EHBP1: variants seen among roughly 807,000 people sequenced by gnomAD.
The protein encoded by EHBP1 is EH domain-binding protein 1.
A neutral mutation model predicts 144.0 loss-of-function variants in EHBP1; 55 were observed. That is an observed-to-expected ratio of 0.38 (90% CI 0.31 to 0.48). EHBP1 has a LOEUF of 0.48. Among genes scored for constraint, EHBP1 ranks in the 20% least tolerant of loss-of-function variants. EHBP1 has a pLI of 0.98. For synonymous variants in EHBP1, 469 were observed against 472.7 expected, an observed-to-expected ratio of 0.99 and a Z score of 0.10; for missense variants, 1,200 against 1,364.2, an observed-to-expected ratio of 0.88 and a Z score of 1.90.
chr2:62,714,922 G>C (rs1366017277), intron 2 of EHBP1, among the ~76,000 whole-genome samples: 2 of 152,038 alleles, frequency 1.3e-5, no homozygotes, highest in African/African-American at 2.4e-5. Flanking sequence ...ACATATTTTT[G>C]CTTCTGAAGC....
intron 14 of EHBP1, among the ~76,000 whole-genome samples, chr2:62,973,166 A>T (rs549330513): frequency 2.0e-5 from 3 of 152,262 alleles, no homozygotes; most frequent in South Asian, 4.2e-4. Flanking sequence ...TGCAAGAAAA[A>T]AATTAGGTTG....
chr2:62,836,882 T>C (rs1436614062), intron 7 of EHBP1, among the ~76,000 whole-genome samples: 13 of 150,804 alleles, frequency 8.6e-5, no homozygotes, highest in African/African-American at 1.7e-4. Context: ...CTGAAAGTGA[T>C]GGGGAGAATG....
chr2:63,034,209 A>C (rs1264693457), intron 19 of EHBP1, among the ~76,000 whole-genome samples: 1 of 152,102 alleles, frequency 6.6e-6, no homozygotes, highest in Admixed American at 6.5e-5. Flanking sequence ...ATTTATTTAT[A>C]ATAAACATGA....
intron 19 of EHBP1, among the ~76,000 whole-genome samples, chr2:63,028,183 A>G (rs1244604386): frequency 6.6e-6 from 1 of 152,200 alleles, no homozygotes; most frequent in African/African-American, 2.4e-5. Flanking sequence ...GACATTCCAC[A>G]ATGTTTACCT....
chr2:62,727,790 T>C (rs2036978464), intron 2 of EHBP1, among the ~76,000 whole-genome samples: 1 of 152,216 alleles, frequency 6.6e-6, no homozygotes, highest in Non-Finnish European at 1.5e-5. Context: ...GATCACAGGC[T>C]CTTTGGCTCC....
chr2:62,749,541 G>A (rs2039475351), intron 3 of EHBP1, among the ~76,000 whole-genome samples: 1 of 152,182 alleles, frequency 6.6e-6, no homozygotes, highest in African/African-American at 2.4e-5. Context: ...TCTAGTTCTA[G>A]ATCCTTGAGG....
At chr2:63,019,325 G>A (rs1196171343) in intron 19 of EHBP1, among the ~76,000 whole-genome samples, 2 of 152,140 alleles carry the variant, frequency 1.3e-5, no homozygotes, top group African/African-American at 4.8e-5. Context: ...AGATTTAAGA[G>A]TATAGACTTT....
chr2:62,846,917 G>A (rs1411702609), intron 7 of EHBP1, among the ~76,000 whole-genome samples: 1 of 152,128 alleles, frequency 6.6e-6, no homozygotes, highest in African/African-American at 2.4e-5. Context: ...AAATCAATCT[G>A]TAAATCCAAC....
intron 1 of EHBP1, among the ~76,000 whole-genome samples, chr2:62,683,443 A>G (rs2033601614): frequency 6.6e-6 from 1 of 152,052 alleles, no homozygotes; most frequent in Admixed American, 6.5e-5. Flanking sequence ...GTGGATCACG[A>G]GGTCAGGAGA....
intron 5 of EHBP1, among the ~76,000 whole-genome samples, chr2:62,798,375 A>G (rs1365307048): frequency 6.6e-6 from 1 of 152,092 alleles, no homozygotes; most frequent in Non-Finnish European, 1.5e-5. Flanking sequence ...CAAAAAAAAA[A>G]AAAGAAAGAA....
chr2:62,775,125 G>T (rs1314171447), intron 5 of EHBP1, among the ~76,000 whole-genome samples: 1 of 152,124 alleles, frequency 6.6e-6, no homozygotes, highest in Non-Finnish European at 1.5e-5. Flanking sequence ...AAAGAGAATT[G>T]GGGTATGCTT....
At chr2:62,857,514 T>G (rs557948712) in intron 7 of EHBP1, among the ~76,000 whole-genome samples, 10 of 152,370 alleles carry the variant, frequency 6.6e-5, no homozygotes, top group African/African-American at 2.2e-4. Context: ...GTACTTTTAA[T>G]GTCAAATTTA....
At chr2:63,011,126 G>C (rs1159936887) in intron 19 of EHBP1, among the ~76,000 whole-genome samples, 3 of 148,268 alleles carry the variant, frequency 2.0e-5, no homozygotes, top group African/African-American at 7.4e-5. Flanking sequence ...GTTTTCTGCC[G>C]GGTGGCCTCA....
intron 2 of EHBP1, among the ~76,000 whole-genome samples, chr2:62,724,340 C>CTA (rs377513659): frequency 1.3e-5 from 2 of 152,260 alleles, no homozygotes; most frequent in African/African-American, 4.8e-5. Context: ...ACATTCTTTT[C>CTA]TATACTGGTT....
intron 19 of EHBP1, among the ~76,000 whole-genome samples, chr2:63,003,113 G>A (rs1407155312): frequency 6.6e-6 from 1 of 151,956 alleles, no homozygotes; most frequent in African/African-American, 2.4e-5. Flanking sequence ...TATAAATTCT[G>A]TTAGTGAATA....
Position 62,719,685 on chromosome 2 carries a change from T to C in EHBP1, c.104+12390T>C, listed in dbSNP as rs956764200. ...ATGTACAGATTTGTTTTGGTCATTATTCTCTAAAAAATACAGTATAAAACA... is the reference window on the plus strand; with the variant it reads ...ATGTACAGATTTGTTTTGGTCATTACTCTCTAAAAAATACAGTATAAAACA... On this transcript the variant is annotated intron_variant, in intron 2 of 22. Transcript: ENST00000431489. 1.6e-4 allele frequency among the ~76,000 whole-genome samples: 25 copies of C among 152,372 alleles called. No homozygotes were observed. In the East Asian group the frequency reaches 3.7e-3, roughly 22 times the overall value.
intron 1 of EHBP1, among the ~76,000 whole-genome samples, chr2:62,675,245 T>C (rs2033241635): frequency 6.6e-6 from 1 of 152,162 alleles, no homozygotes; most frequent in Non-Finnish European, 1.5e-5. Flanking sequence ...TGTGAAAAAG[T>C]GTCCCTCCAG....
At chr2:62,865,814 C>T (rs1210597895) in intron 9 of EHBP1, among the ~76,000 whole-genome samples, 3 of 152,110 alleles carry the variant, frequency 2.0e-5, no homozygotes, top group Admixed American at 2.0e-4. Context: ...GAGAAAAAAA[C>T]TCAGATCCCA....
At chr2:62,977,516 C>T (rs553206859) in intron 14 of EHBP1, among the ~76,000 whole-genome samples, 9 of 152,258 alleles carry the variant, frequency 5.9e-5, no homozygotes, top group African/African-American at 1.9e-4. Flanking sequence ...ATTCTGTTTG[C>T]CCCTCAGCCA....
Sources: gnomAD v4.1 joint callset for allele counts (sites outside exome capture counted in the v4.1 genomes callset) on GRCh38, gnomAD v4.1.1 for gene constraint, MANE v1.5 for transcripts, NCBI Gene and HGNC (gene_info 2026-07-23, HGNC 2026-07-21) for gene names.